Variants in VTI1A observed in about 807,000 individuals in gnomAD.
VTI1A encodes the protein vesicle transport through interaction with t-SNAREs homolog 1A.
VTI1A carries 22 observed loss-of-function variants against 34.9 expected under a neutral mutation model. The ratio of observed to expected loss-of-function variants is 0.63; its 90% CI spans 0.45 to 0.90. VTI1A has a LOEUF of 0.90. VTI1A is among the 40% of genes least tolerant of loss of function. The pLI is 0.00. For synonymous variants in VTI1A, 87 were observed against 97.3 expected, an observed-to-expected ratio of 0.89 and a Z score of 0.62; for missense variants, 268 against 275.6, an observed-to-expected ratio of 0.97 and a Z score of 0.20.
At chr10:112,594,441 G>C (rs933579817) in intron 5 of VTI1A, among the ~76,000 whole-genome samples, 13 of 152,046 alleles carry the variant, frequency 8.6e-5, no homozygotes, top group African/African-American at 3.1e-4. Context: ...ATCTCCTTAA[G>C]CTGATAAGCA....
At chr10:112,678,018 A>G (rs1248044419) in intron 7 of VTI1A, among the ~76,000 whole-genome samples, 3 of 152,226 alleles carry the variant, frequency 2.0e-5, no homozygotes, top group Non-Finnish European at 4.4e-5. Context: ...TCATATGGGT[A>G]TAATTTAGTG....
intron 7 of VTI1A, among the ~76,000 whole-genome samples, chr10:112,688,239 C>T (rs1200178509): frequency 6.6e-6 from 1 of 151,932 alleles, no homozygotes; most frequent in Non-Finnish European, 1.5e-5. Flanking sequence ...TATGTGTGAG[C>T]CCCTATGCCT....
chr10:112,734,265 C>T (rs1455210677), intron 7 of VTI1A, among the ~76,000 whole-genome samples: 2 of 152,134 alleles, frequency 1.3e-5, no homozygotes, highest in East Asian at 1.9e-4. Context: ...CCATCCCTCA[C>T]CTGTATACCA....
At chr10:112,447,095 G>T (rs1463802157), upstream of VTI1A, 1 of 457,972 alleles carries the variant, frequency 2.2e-6, no homozygotes, top group Non-Finnish European at 4.1e-6. Context: ...ATTTTCATAC[G>T]CTTTTCTGGG....
At chr10:112,511,532 G>A (rs976561145) in intron 3 of VTI1A, among the ~76,000 whole-genome samples, 2 of 152,002 alleles carry the variant, frequency 1.3e-5, no homozygotes, top group East Asian at 1.9e-4. Context: ...ATGAGCCACC[G>A]TGCCTGGCTC....
At chr10:112,691,536 G>A (rs972727616) in intron 7 of VTI1A, among the ~76,000 whole-genome samples, 2 of 152,080 alleles carry the variant, frequency 1.3e-5, no homozygotes, top group South Asian at 2.1e-4. Context: ...GCTACATTTC[G>A]AGGCAGAGGA....
chr10:112,634,543 ACACACG>A (rs1251902189), intron 5 of VTI1A, among the ~76,000 whole-genome samples: 1 of 133,152 alleles, frequency 7.5e-6, no homozygotes, highest in Non-Finnish European at 1.6e-5. Context: ...ACACACACAC[ACACACG>A]AATTTCATGT....
intron 5 of VTI1A, among the ~76,000 whole-genome samples, chr10:112,630,116 C>T (rs760827520): frequency 1.3e-5 from 2 of 152,286 alleles, no homozygotes; most frequent in East Asian, 1.9e-4. Flanking sequence ...TCCAGAGACT[C>T]TTTCTTCTGA....
chr10:112,855,114 G>T, the VTI1A span, among the ~76,000 whole-genome samples: 2 of 152,070 alleles, frequency 1.3e-5, no homozygotes, highest in African/African-American at 4.8e-5. Flanking sequence ...GCTCGACCTG[G>T]GATGGGAAGC....
chr10:112,691,567 A>G (rs958943311), intron 7 of VTI1A, among the ~76,000 whole-genome samples: 1 of 152,210 alleles, frequency 6.6e-6, no homozygotes, highest in African/African-American at 2.4e-5. Context: ...GTTGAGGGCT[A>G]TGCCTGTATC....
intron 5 of VTI1A, among the ~76,000 whole-genome samples, chr10:112,604,629 C>G (rs1845005159): frequency 6.6e-6 from 1 of 152,200 alleles, no homozygotes; most frequent in Non-Finnish European, 1.5e-5. Flanking sequence ...CACATCACCT[C>G]TTTCTCATGG....
intron 7 of VTI1A, among the ~76,000 whole-genome samples, chr10:112,728,739 A>G (rs889118653): frequency 1.3e-5 from 2 of 152,180 alleles, no homozygotes; most frequent in Non-Finnish European, 2.9e-5. Context: ...TCTAACAACA[A>G]ATGTTCACTG....
Position 112,578,008 on chromosome 10 carries a change from A to G in VTI1A, c.427+39678A>G, listed in dbSNP as rs1046029918. On this transcript the variant is annotated intron_variant, in intron 5 of 7. Coordinates refer to ENST00000393077, the MANE Select transcript of VTI1A (RefSeq NM_145206.4). ...CTTGCTGAGAAAATCAAATGAAAAA[A>G]GTCCGGAAATACTATGTAAATGTGA... 2.6e-5 allele frequency among the ~76,000 whole-genome samples: 4 copies of G among 152,240 alleles called. No individual in the cohort carries two copies. In the East Asian group the frequency reaches 7.7e-4, roughly 29 times the overall value.
chr10:112,646,280 G>T (rs1846779776), intron 5 of VTI1A, among the ~76,000 whole-genome samples: 1 of 151,980 alleles, frequency 6.6e-6, no homozygotes, highest in Non-Finnish European at 1.5e-5. Context: ...ATAAAACTAG[G>T]AAGCATTGTT....
chr10:112,675,944 G>A (rs117453693), intron 7 of VTI1A, among the ~76,000 whole-genome samples: 3,498 of 152,130 alleles, frequency 0.023, 57 homozygotes, highest in Admixed American at 0.037. Flanking sequence ...TCTTTACTAT[G>A]GAAATTTTTA....
chr10:112,585,090 T>C (rs572450256), intron 5 of VTI1A, among the ~76,000 whole-genome samples: 76 of 152,284 alleles, frequency 5.0e-4, no homozygotes, highest in African/African-American at 1.8e-3. Flanking sequence ...GATCAACTTA[T>C]GTAGAATATA....
intron 3 of VTI1A, among the ~76,000 whole-genome samples, chr10:112,501,752 T>G (rs1359674597): frequency 6.6e-6 from 1 of 151,674 alleles, no homozygotes; most frequent in African/African-American, 2.4e-5. Flanking sequence ...TTTTGTTTGT[T>G]GGGGATAATT....
chr10:112,628,736 A>G lies in VTI1A; in HGVS notation c.428-39482A>G, dbSNP rs113405104. Among the ~76,000 whole-genome samples, 435 of 152,210 alleles carry G rather than the reference A, an allele frequency of 2.9e-3. 6 individuals carry two copies. The highest frequency in any genetic ancestry group is 0.01 in the African/African-American group (424 of 41,538). On this transcript the variant is annotated intron_variant, in intron 5 of 7. Coordinates refer to ENST00000393077, the MANE Select transcript of VTI1A (RefSeq NM_145206.4). ...TTCTTTATCCAAAAGTATTTGATCT[A>G]AACTATATTTTATCTTTTAAATGTA...
intron 5 of VTI1A, among the ~76,000 whole-genome samples, chr10:112,593,971 G>A (rs1564840884): frequency 6.6e-6 from 1 of 150,806 alleles, no homozygotes; most frequent in South Asian, 2.1e-4. Flanking sequence ...GTGCAGTGGC[G>A]CTATCTCAGC....
Sources: gnomAD v4.1 joint callset for allele counts (sites outside exome capture counted in the v4.1 genomes callset) on GRCh38, gnomAD v4.1.1 for gene constraint, MANE v1.5 for transcripts, NCBI Gene and HGNC (gene_info 2026-07-23, HGNC 2026-07-21) for gene names.